The following TMEM232 variants were observed in gnomAD, a reference collection of about 807,000 sequenced individuals.
TMEM232 encodes the protein transmembrane protein 232.
Under a neutral mutation model 78.8 loss-of-function variants are expected in TMEM232, and 80 were observed. That is an observed-to-expected ratio of 1.01 (90% CI 0.85 to 1.22). TMEM232 has a LOEUF of 1.22. Ranked by LOEUF, TMEM232 falls within the 50% of genes most tolerant of loss-of-function variation. The pLI, the probability that TMEM232 is intolerant of heterozygous loss-of-function variation, is 0.00. For synonymous variants in TMEM232, 297 were observed against 254.3 expected (o/e 1.17, Z -1.60); for missense variants, 881 against 742.2 (o/e 1.19, Z -2.17).
intron 1 of TMEM232, among the ~76,000 whole-genome samples, chr5:110,702,199 T>G (rs1035700553): frequency 6.6e-6 from 1 of 152,076 alleles, no homozygotes; most frequent in Non-Finnish European, 1.5e-5. Flanking sequence ...GCCCCTGTTT[T>G]GGGCCATATT....
chr5:110,522,564 T>G (rs1769705080), intron 12 of TMEM232, among the ~76,000 whole-genome samples: 1 of 152,172 alleles, frequency 6.6e-6, no homozygotes, highest in African/African-American at 2.4e-5. Context: ...ATATGGCCTT[T>G]ATTATGTCGA....
At chr5:110,733,706 G>C (rs1204326471) in intron 2 of TMEM232, among the ~76,000 whole-genome samples, 1 of 152,100 alleles carries the variant, frequency 6.6e-6, no homozygotes, top group African/African-American at 2.4e-5. Context: ...GGAGGAGAGA[G>C]AGGATCAGAA....
intron 12 of TMEM232, among the ~76,000 whole-genome samples, chr5:110,466,707 G>A (rs1462082569): frequency 1.3e-5 from 2 of 151,702 alleles, no homozygotes; most frequent in Middle Eastern, 3.4e-3. Flanking sequence ...CTGCCTCCTG[G>A]GTTCATGCCA....
intron 12 of TMEM232, among the ~76,000 whole-genome samples, chr5:110,523,770 T>A (rs868523699): frequency 1.3e-5 from 2 of 151,612 alleles, no homozygotes; most frequent in African/African-American, 4.8e-5. Flanking sequence ...CTGGGCAATA[T>A]AAGTAGGCCC....
chr5:110,581,227 G>A (rs1479703126), intron 10 of TMEM232, among the ~76,000 whole-genome samples: 1 of 151,812 alleles, frequency 6.6e-6, no homozygotes, highest in Admixed American at 6.6e-5. Context: ...TAAGCAAAGA[G>A]AACAAAGCCA....
intron 12 of TMEM232, among the ~76,000 whole-genome samples, chr5:110,508,936 A>C (rs1465129457): frequency 1.4e-5 from 2 of 141,934 alleles, no homozygotes; most frequent in African/African-American, 2.6e-5. Context: ...ATAATTATAT[A>C]TATACACACA....
At chr5:110,466,350 G>A (rs887015686) in intron 12 of TMEM232, among the ~76,000 whole-genome samples, 3 of 152,136 alleles carry the variant, frequency 2.0e-5, no homozygotes, top group Non-Finnish European at 4.4e-5. Flanking sequence ...CAATTCCATG[G>A]AGGAAATTAT....
At chr5:110,407,726 T>C (rs1477012561) in intron 2 of TMEM232, among the ~76,000 whole-genome samples, 1 of 152,186 alleles carries the variant, frequency 6.6e-6, no homozygotes, top group East Asian at 1.9e-4. Context: ...GAATACGCTT[T>C]CTTTTCATCA....
At chr5:110,731,486 T>C (rs906725106), upstream of TMEM232, among the ~76,000 whole-genome samples, 9 of 152,214 alleles carry the variant, frequency 5.9e-5, no homozygotes, top group African/African-American at 2.2e-4. Context: ...GGCACCCAGG[T>C]GTTTCCATAC....
At chr5:110,529,246 AT>A (rs903763436) in intron 11 of TMEM232, among the ~76,000 whole-genome samples, 43 of 149,428 alleles carry the variant, frequency 2.9e-4, no homozygotes, top group South Asian at 8.5e-4. Context: ...TCAACAGAGC[AT>A]TTTTTTTTTC....
intron 4 of TMEM232, among the ~76,000 whole-genome samples, chr5:110,639,209 TA>T (rs1167284483): frequency 1.3e-5 from 2 of 152,114 alleles, no homozygotes; most frequent in Non-Finnish European, 2.9e-5. Flanking sequence ...CATTTGAGTG[TA>T]ATCAGAAGCT....
chr5:110,681,512 T>C (rs1792743195), intron 1 of TMEM232, among the ~76,000 whole-genome samples: 1 of 152,218 alleles, frequency 6.6e-6, no homozygotes, highest in Non-Finnish European at 1.5e-5. Context: ...TTCTCCATAT[T>C]GTAGGGTGTC....
At chr5:110,475,292 C>T (rs922229424) in intron 12 of TMEM232, among the ~76,000 whole-genome samples, 1 of 151,842 alleles carries the variant, frequency 6.6e-6, no homozygotes, top group African/African-American at 2.4e-5. Context: ...GTGAAAGTAA[C>T]TGAGGCTGGA....
intron 12 of TMEM232, among the ~76,000 whole-genome samples, chr5:110,528,078 A>T (rs1351529850): frequency 1.3e-5 from 2 of 151,908 alleles, no homozygotes; most frequent in Admixed American, 1.3e-4. Flanking sequence ...AATGGTAAAT[A>T]AATCTGAAAA....
At position 110,661,569 on chromosome 5, in the gene TMEM232, C is replaced by A. The variant is rs368453793; in HGVS notation, c.125+5659G>T. On this transcript the variant is annotated intron_variant, in intron 2 of 13. Transcript: ENST00000455884. ...TCAAGCAATCCACTCAACTGGGCCT[C>A]CCAAAATGCTGGGATAACAGGTGCC... 5.9e-5 allele frequency among the ~76,000 whole-genome samples: 9 copies of A among 152,252 alleles called. 1 individual carries two copies. Among genetic ancestry groups the A allele is most frequent in the East Asian group, 5.8e-4 (3 of 5,172 alleles).
intron 1 of TMEM232, among the ~76,000 whole-genome samples, chr5:110,667,990 T>C (rs1311972708): frequency 6.6e-6 from 1 of 152,088 alleles, no homozygotes; most frequent in African/African-American, 2.4e-5. Flanking sequence ...ATCCTATTTG[T>C]GTTTAGTGGA....
intron 1 of TMEM232, among the ~76,000 whole-genome samples, chr5:110,677,698 C>T (rs959280887): frequency 6.6e-6 from 1 of 152,030 alleles, no homozygotes; most frequent in African/African-American, 2.4e-5. Flanking sequence ...AATAGGAGAA[C>T]TTATAGGAAC....
intron 12 of TMEM232, among the ~76,000 whole-genome samples, chr5:110,520,922 A>AAAT (rs10685509): frequency 0.15 from 22,265 of 151,948 alleles, 1,997 homozygotes; most frequent in African/African-American, 0.25. Flanking sequence ...CCATTTCAAA[A>AAAT]AATAATAATA....
At chr5:110,490,193 A>AAAGAAAGAAAGAAAG (rs879457428) in intron 12 of TMEM232, among the ~76,000 whole-genome samples, 3 of 136,790 alleles carry the variant, frequency 2.2e-5, no homozygotes, top group Non-Finnish European at 4.9e-5. Context: ...AAGAAAGAAA[A>AAAGAAAGAAAGAAAG]AGTTAATTGT....
Sources: allele counts gnomAD v4.1 joint callset (sites outside exome capture counted in the v4.1 genomes callset), GRCh38; gene constraint gnomAD v4.1.1; transcripts MANE v1.5; gene names NCBI Gene and HGNC (gene_info 2026-07-23, HGNC 2026-07-21).